Variants in BNC2 observed in about 807,000 individuals in gnomAD.
The protein encoded by BNC2 is zinc finger protein basonuclin-2.
Under a neutral mutation model 76.3 loss-of-function variants are expected in BNC2, and 20 were observed. The ratio of observed to expected loss-of-function variants is 0.26; its 90% confidence interval spans 0.18 to 0.38. The LOEUF is 0.38. Among genes scored for constraint, BNC2 ranks in the 10% least tolerant of loss-of-function variants. BNC2 has a pLI of 1.00. For missense variants in BNC2, 1,382 were observed against 1,399.8 expected, an observed-to-expected ratio of 0.99 and a Z score of 0.20; for synonymous variants, 582 against 514.8, an observed-to-expected ratio of 1.13 and a Z score of -1.77.
intron 1 of BNC2, among the ~76,000 whole-genome samples, chr9:16,857,198 C>A (rs891249504): frequency 6.6e-6 from 1 of 151,996 alleles, no homozygotes; most frequent in Non-Finnish European, 1.5e-5. Context: ...TGATTTCAGG[C>A]CAGGCACAGT....
At chr9:16,667,618 G>T (rs748385194) in intron 3 of BNC2, among the ~76,000 whole-genome samples, 25 of 152,106 alleles carry the variant, frequency 1.6e-4, no homozygotes, top group Non-Finnish European at 3.4e-4. Context: ...CCTTTTGACA[G>T]CATTTTCTTT....
At chr9:16,448,072 C>G (rs142386569) in intron 5 of BNC2, among the ~76,000 whole-genome samples, 431 of 152,202 alleles carry the variant, frequency 2.8e-3, no homozygotes, top group Non-Finnish European at 4.6e-3. Context: ...TTCTTGTCCA[C>G]TCAGACATAA....
chr9:16,508,821 C>CTTTTT (rs386414529), intron 5 of BNC2, among the ~76,000 whole-genome samples: 266 of 143,444 alleles, frequency 1.9e-3, no homozygotes, highest in East Asian at 5.0e-3. Flanking sequence ...TTTTGCACAT[C>CTTTTT]TTTTTTTTTT....
At chr9:16,600,585 A>G (rs1820217706) in intron 3 of BNC2, among the ~76,000 whole-genome samples, 1 of 152,152 alleles carries the variant, frequency 6.6e-6, no homozygotes, top group Non-Finnish European at 1.5e-5. Flanking sequence ...TCCTCACCTA[A>G]CCATATTCTA....
chr9:16,808,352 C>G (rs1364135681), intron 1 of BNC2, among the ~76,000 whole-genome samples: 5 of 151,996 alleles, frequency 3.3e-5, no homozygotes, highest in Non-Finnish European at 7.4e-5. Context: ...CTGTGCTATT[C>G]CCATTAGAAG....
chr9:16,612,550 G>GAATAAATTATTTATTT (rs1820578974), intron 3 of BNC2, among the ~76,000 whole-genome samples: 3 of 152,104 alleles, frequency 2.0e-5, no homozygotes, highest in Admixed American at 2.0e-4. Flanking sequence ...TTTTATTCTT[G>GAATAAATTATTTATTT]TGGCCCCATC....
intron 3 of BNC2, among the ~76,000 whole-genome samples, chr9:16,701,392 A>T (rs72706009): frequency 0.018 from 2,782 of 152,336 alleles, 51 homozygotes; most frequent in Middle Eastern, 0.054. Flanking sequence ...TTCATCTGTA[A>T]AATGAAAATA....
chr9:16,853,593 G>A (rs746137848), intron 1 of BNC2, among the ~76,000 whole-genome samples: 10 of 151,748 alleles, frequency 6.6e-5, no homozygotes, highest in Admixed American at 1.3e-4. Context: ...GCAGCTGGGC[G>A]CTGTGGCTCG....
intron 5 of BNC2, among the ~76,000 whole-genome samples, chr9:16,493,507 A>G (rs1416091263): frequency 1.3e-5 from 2 of 152,210 alleles, no homozygotes; most frequent in Non-Finnish European, 2.9e-5. Context: ...AGGTAGACTA[A>G]GGATGGATGA....
At chr9:16,480,033 C>G (rs1235224343) in intron 5 of BNC2, among the ~76,000 whole-genome samples, 1 of 152,156 alleles carries the variant, frequency 6.6e-6, no homozygotes, top group African/African-American at 2.4e-5. Flanking sequence ...GTGGCAAGTA[C>G]CATTCTAAGT....
intron 5 of BNC2, among the ~76,000 whole-genome samples, chr9:16,517,888 A>G (rs1817487360): frequency 6.6e-6 from 1 of 152,114 alleles, no homozygotes; most frequent in African/African-American, 2.4e-5. Context: ...CAGAATTCTC[A>G]GCCATACTTC....
At chr9:16,614,523 T>C (rs922367111) in intron 3 of BNC2, among the ~76,000 whole-genome samples, 1 of 151,102 alleles carries the variant, frequency 6.6e-6, no homozygotes, top group Non-Finnish European at 1.5e-5. Context: ...ACTATCATGG[T>C]AAAATGCACC....
At chr9:16,870,303 C>G (rs1003234679) in intron 1 of BNC2, among the ~76,000 whole-genome samples, 5 of 152,268 alleles carry the variant, frequency 3.3e-5, no homozygotes, top group African/African-American at 1.2e-4. Context: ...TCCCCCCAGC[C>G]CGTCCCCAAC....
intron 3 of BNC2, among the ~76,000 whole-genome samples, chr9:16,614,730 T>G (rs1167343123): frequency 6.6e-6 from 1 of 151,864 alleles, no homozygotes; most frequent in East Asian, 1.9e-4. Flanking sequence ...GAGGATCCCT[T>G]GAGCTCAGGA....
intron 5 of BNC2, among the ~76,000 whole-genome samples, chr9:16,468,779 A>C (rs959238559): frequency 6.6e-6 from 1 of 152,170 alleles, no homozygotes; most frequent in Non-Finnish European, 1.5e-5. Flanking sequence ...GAGGCTTAAA[A>C]GTGTTATTCA....
chr9:16,438,807 C>T (rs1296527703), intron 5 of BNC2, among the ~76,000 whole-genome samples: 1 of 152,086 alleles, frequency 6.6e-6, no homozygotes, highest in Non-Finnish European at 1.5e-5. Flanking sequence ...ACGTTACCAC[C>T]GTGAGTAGAA....
rs146716144 is a variant in BNC2, at chr9:16,420,688, C to T, written c.2640-1039G>A. The stretch of plus-strand genomic sequence containing the variant: ...GTATGTATGTATGTATATACATACA[C>T]ATATACATATTTTTTTACATATATA... On this transcript the variant is annotated intron_variant, in intron 6 of 6. Coordinates refer to ENST00000380672, the MANE Select transcript of BNC2 (RefSeq NM_017637.6). 9.7e-3 allele frequency among the ~76,000 whole-genome samples: 1,427 copies of T among 146,644 alleles called. 23 individuals carry two copies. Among genetic ancestry groups the T allele is most frequent in the African/African-American group, 0.033 (1,342 of 40,466 alleles).
intron 5 of BNC2, among the ~76,000 whole-genome samples, chr9:16,464,189 A>G (rs917834881): frequency 1.3e-5 from 2 of 152,050 alleles, no homozygotes; most frequent in South Asian, 4.1e-4. Context: ...CAACTCTTTA[A>G]GATCCTCAAA....
intron 5 of BNC2, among the ~76,000 whole-genome samples, chr9:16,518,552 C>G: frequency 6.6e-6 from 1 of 151,944 alleles, no homozygotes; most frequent in East Asian, 1.9e-4. Flanking sequence ...TTGGGATGTA[C>G]AGGTGCAAAA....
Sources: allele counts gnomAD v4.1 joint callset (sites outside exome capture counted in the v4.1 genomes callset), GRCh38; gene constraint gnomAD v4.1.1; transcripts MANE v1.5; gene names NCBI Gene and HGNC (gene_info 2026-07-23, HGNC 2026-07-21).